The following RALGPS1 variants were observed in gnomAD, a reference collection of about 807,000 sequenced individuals.
RALGPS1 encodes Ral GEF with PH domain and SH3 binding motif 1.
A neutral mutation model predicts 78.8 loss-of-function variants in RALGPS1; 19 were observed. The observed-to-expected ratio is 0.24, with a 90% CI of 0.17 to 0.35. RALGPS1 has a LOEUF of 0.35. Among genes scored for constraint, RALGPS1 ranks in the 10% least tolerant of loss-of-function variants. The pLI is 1.00. For missense variants in RALGPS1, 454 were observed against 688.3 expected (o/e 0.66, Z 3.81); for synonymous variants, 228 against 256.3 (o/e 0.89, Z 1.06).
intron 8 of RALGPS1, among the ~76,000 whole-genome samples, chr9:127,151,910 C>T (rs2058445480): frequency 6.6e-6 from 1 of 152,168 alleles, no homozygotes; most frequent in South Asian, 2.1e-4. Flanking sequence ...TCTTCCCCTT[C>T]TTCCCCTTCT....
chr9:127,135,896 T>C (rs2138431450), intron 8 of RALGPS1, among the ~76,000 whole-genome samples: 1 of 152,316 alleles, frequency 6.6e-6, no homozygotes, highest in Non-Finnish European at 1.5e-5. Context: ...AACCAAGTGT[T>C]AAATCCTGAA....
At chr9:127,192,992 G>T (rs1200995472) in intron 11 of RALGPS1, among the ~76,000 whole-genome samples, 2 of 152,236 alleles carry the variant, frequency 1.3e-5, no homozygotes, top group East Asian at 3.8e-4. Flanking sequence ...ATTAGGTACA[G>T]AAGTCAGAGC....
chr9:127,172,809 A>C (rs1468425211), intron 10 of RALGPS1, among the ~76,000 whole-genome samples: 1 of 149,740 alleles, frequency 6.7e-6, no homozygotes, highest in African/African-American at 2.5e-5. Context: ...TGCTCTAAGC[A>C]CTTGAGGGGA....
chr9:127,135,024 A>T (rs936607901), intron 8 of RALGPS1, among the ~76,000 whole-genome samples: 2 of 152,188 alleles, frequency 1.3e-5, no homozygotes, highest in Non-Finnish European at 2.9e-5. Flanking sequence ...TGCCTGGGAC[A>T]CTTGAATGTG....
intron 11 of RALGPS1, among the ~76,000 whole-genome samples, chr9:127,186,171 AT>A (rs1284629241): frequency 6.6e-6 from 1 of 152,120 alleles, no homozygotes; most frequent in Non-Finnish European, 1.5e-5. Context: ...TGAAAACCAG[AT>A]TTTTTTTCAA....
chr9:127,125,305 C>T (rs764420880), intron 8 of RALGPS1, among the ~76,000 whole-genome samples: 5 of 152,324 alleles, frequency 3.3e-5, no homozygotes, highest in African/African-American at 4.8e-5. Flanking sequence ...GGCCATGTAG[C>T]GCCCTCCTTT....
chr9:126,968,988 C>A (rs528991672), intron 3 of RALGPS1, among the ~76,000 whole-genome samples: 1 of 151,820 alleles, frequency 6.6e-6, no homozygotes, highest in African/African-American at 2.4e-5. Flanking sequence ...GCAGAGGTTG[C>A]GGTGAGCCGA....
intron 5 of RALGPS1, among the ~76,000 whole-genome samples, chr9:127,038,734 A>G (rs1189905313): frequency 6.6e-6 from 1 of 152,222 alleles, no homozygotes; most frequent in Non-Finnish European, 1.5e-5. Flanking sequence ...GTCCAGGGGA[A>G]TCTGTGCTAG....
intron 1 of RALGPS1, among the ~76,000 whole-genome samples, chr9:126,945,655 A>ATGCT (rs2037189215): frequency 2.6e-5 from 4 of 152,144 alleles, no homozygotes; most frequent in Non-Finnish European, 4.4e-5. Context: ...GAGAGTCAGG[A>ATGCT]CCATCAGGTC....
At chr9:126,992,140 G>C (rs1053070906) in intron 4 of RALGPS1, among the ~76,000 whole-genome samples, 1 of 152,206 alleles carries the variant, frequency 6.6e-6, no homozygotes, top group African/African-American at 2.4e-5. Context: ...TTATCTCTGT[G>C]ACCATGGTCA....
Position 127,168,972 on chromosome 9 carries a change from G to A in RALGPS1, c.842+200G>A, listed in dbSNP as rs185156239. The stretch of plus-strand genomic sequence containing the variant: ...GTGTGATCTTTGACCTCACAGCCCC[G>A]CAGTGGTGATGTCTGAACAGCTCTC... On this transcript the variant is annotated intron_variant, in intron 10 of 18. Transcript: ENST00000259351. 5.9e-5 allele frequency among the ~76,000 whole-genome samples: 9 copies of A among 152,298 alleles called. No individual in the cohort carries two copies. The East Asian group carries it at 1.5e-3, about 26-fold the overall frequency.
intron 8 of RALGPS1, among the ~76,000 whole-genome samples, chr9:127,115,219 C>A (rs1437229817): frequency 6.6e-6 from 1 of 151,970 alleles, no homozygotes; most frequent in Non-Finnish European, 1.5e-5. Flanking sequence ...GATGGAGTTT[C>A]GCTCTTGTCA....
intron 4 of RALGPS1, among the ~76,000 whole-genome samples, chr9:126,995,782 T>A (rs2042690173): frequency 6.6e-6 from 1 of 152,182 alleles, no homozygotes; most frequent in South Asian, 2.1e-4. Flanking sequence ...TAGTTGGAAG[T>A]AAAGCACTCC....
At chr9:126,983,825 G>A (rs2041548041) in intron 4 of RALGPS1, among the ~76,000 whole-genome samples, 1 of 152,134 alleles carries the variant, frequency 6.6e-6, no homozygotes, top group Non-Finnish European at 1.5e-5. Flanking sequence ...TCAACTAGAA[G>A]TTAACCCAAG....
chr9:127,086,377 A>G (rs1374993098), intron 8 of RALGPS1, among the ~76,000 whole-genome samples: 1 of 152,160 alleles, frequency 6.6e-6, no homozygotes, highest in African/African-American at 2.4e-5. Context: ...TTCCCTTGTC[A>G]ACATGGAGAT....
chr9:127,087,601 C>T (rs8838), intron 8 of RALGPS1: 49,137 of 152,246 alleles, frequency 0.32, 9,801 homozygotes, highest in Non-Finnish European at 0.42. Flanking sequence ...TGGCAATAGT[C>T]CCGGGAGTGC....
At position 127,166,152 on chromosome 9, in the gene RALGPS1, C is replaced by G; in HGVS notation, c.694C>G (p.Gln232Glu). ...CATGGAAAATGAACAAAGATCCAAT[C>G]AGATGAACAATATTCTTCGAATAAT... ...SIMENEQRSN[Q>E]MNNILRIIAD... Residue 232 changes from glutamine (Q) to glutamate (E), a missense_variant, in exon 9 of 19, where the codon CAG becomes GAG. Coordinates refer to ENST00000259351, the MANE Select transcript of RALGPS1 (RefSeq NM_014636.3). 6.2e-7 allele frequency: 1 copy of G among 1,613,880 alleles called. No homozygotes were observed. The highest frequency in any genetic ancestry group is 8.5e-7 in the Non-Finnish European group (1 of 1,179,960).
intron 4 of RALGPS1, among the ~76,000 whole-genome samples, chr9:127,002,223 C>T (rs897590387): frequency 2.0e-5 from 3 of 152,088 alleles, no homozygotes; most frequent in African/African-American, 2.4e-5. Context: ...TCATAAAATA[C>T]GTACATTTTG....
chr9:127,055,970 A>C (rs1369489367), intron 7 of RALGPS1, among the ~76,000 whole-genome samples: 1 of 152,108 alleles, frequency 6.6e-6, no homozygotes, highest in East Asian at 1.9e-4. Flanking sequence ...CCTGTCAGGG[A>C]GGGGATGTGC....
Sources: allele counts gnomAD v4.1 joint callset (sites outside exome capture counted in the v4.1 genomes callset), GRCh38; gene constraint gnomAD v4.1.1; transcripts MANE v1.5; gene names NCBI Gene and HGNC (gene_info 2026-07-23, HGNC 2026-07-21).